The following TTC39B variants were observed in gnomAD, a reference collection of about 807,000 sequenced individuals.
TTC39B encodes tetratricopeptide repeat domain 39B.
TTC39B carries 92 observed loss-of-function variants against 96.6 expected under a neutral mutation model. That is an observed-to-expected ratio of 0.95 (90% CI 0.80 to 1.13). The LOEUF is 1.13. Among genes scored for constraint, TTC39B ranks in the 50% most tolerant of loss-of-function variants. The pLI, the probability that TTC39B is intolerant of heterozygous loss-of-function variation, is 0.00. For missense variants in TTC39B, 955 were observed against 809.3 expected (o/e 1.18, Z -2.18); for synonymous variants, 367 against 299.4 (o/e 1.23, Z -2.33).
chr9:15,283,853 T>C (rs1823860123), intron 1 of TTC39B, among the ~76,000 whole-genome samples: 1 of 152,118 alleles, frequency 6.6e-6, no homozygotes, highest in Admixed American at 6.5e-5. Context: ...CAAGTTTCCA[T>C]ATAAAGAGAT....
At chr9:15,164,155 C>T (rs533074604) in exon 20 of TTC39B, 1 of 152,286 alleles carries the variant, frequency 6.6e-6, no homozygotes, top group East Asian at 1.9e-4. Flanking sequence ...ATATAGAACT[C>T]ACACATATTC....
intron 2 of TTC39B, among the ~76,000 whole-genome samples, chr9:15,243,066 A>T (rs1378848875): frequency 6.6e-6 from 1 of 152,236 alleles, no homozygotes; most frequent in East Asian, 1.9e-4. Flanking sequence ...GCCAATGCAA[A>T]GACAACAGGA....
At chr9:15,295,805 C>A (rs1033776376) in intron 1 of TTC39B, among the ~76,000 whole-genome samples, 1 of 152,114 alleles carries the variant, frequency 6.6e-6, no homozygotes, top group Non-Finnish European at 1.5e-5. Context: ...CCCAGCTGGC[C>A]ACTCTCTCAG....
At chr9:15,298,388 CAA>C (rs1824458600) in intron 1 of TTC39B, among the ~76,000 whole-genome samples, 1 of 152,152 alleles carries the variant, frequency 6.6e-6, no homozygotes, top group Non-Finnish European at 1.5e-5. Context: ...AAGAAATACC[CAA>C]GACTGCATAA....
intron 17 of TTC39B, among the ~76,000 whole-genome samples, chr9:15,180,161 A>G (rs1287252372): frequency 6.6e-6 from 1 of 152,242 alleles, no homozygotes; most frequent in Non-Finnish European, 1.5e-5. Context: ...AGAAACAGGG[A>G]AGTTTGAAGC....
At chr9:15,257,502 G>A (rs916676381) in intron 2 of TTC39B, among the ~76,000 whole-genome samples, 10 of 152,036 alleles carry the variant, frequency 6.6e-5, no homozygotes, top group Non-Finnish European at 1.3e-4. Flanking sequence ...AGGCTGGAGT[G>A]CAGTGGCACC....
In TTC39B at chr9:15,175,362, G is replaced by C. The variant is rs1042947030; in HGVS notation, c.1842-227C>G. ...TAATGTAAACCCAGCACTGATGGTT[G>C]ATCGCTGTCTCTTAAGTAAATCAGC... is the stretch of plus-strand genomic sequence containing the variant. On this transcript the variant is annotated intron_variant, in intron 18 of 19. Transcript: ENST00000512701. 3.2e-4 allele frequency among the ~76,000 whole-genome samples: 48 copies of C among 152,004 alleles called. 2 individuals are homozygous for C.
chr9:15,251,281 AAAG>A (rs950595870), intron 2 of TTC39B, among the ~76,000 whole-genome samples: 27 of 152,212 alleles, frequency 1.8e-4, no homozygotes, highest in African/African-American at 6.3e-4. Flanking sequence ...GCTAAAAAAC[AAAG>A]AAGAAAATTA....
At chr9:15,176,742 A>G (rs1184455858) in intron 18 of TTC39B, among the ~76,000 whole-genome samples, 1 of 151,920 alleles carries the variant, frequency 6.6e-6, no homozygotes, top group Non-Finnish European at 1.5e-5. Context: ...GTGTGGCTAC[A>G]CTCTTCAGAG....
intron 4 of TTC39B, among the ~76,000 whole-genome samples, chr9:15,213,530 C>T (rs1369463560): frequency 6.6e-6 from 1 of 152,140 alleles, no homozygotes. Context: ...CTTTTATGCC[C>T]AAGTAATCTT....
At chr9:15,212,624 T>G (rs1820272197) in intron 4 of TTC39B, among the ~76,000 whole-genome samples, 1 of 152,012 alleles carries the variant, frequency 6.6e-6, no homozygotes, top group South Asian at 2.1e-4. Context: ...ACAGGGTTTC[T>G]CCCTGTTGGT....
At chr9:15,201,779 G>A (rs1326971214) in intron 7 of TTC39B, among the ~76,000 whole-genome samples, 1 of 152,116 alleles carries the variant, frequency 6.6e-6, no homozygotes, top group East Asian at 1.9e-4. Flanking sequence ...AGGGAACATA[G>A]AGAGGAGGTA....
chr9:15,250,703 G>C (rs1190774126), intron 2 of TTC39B, among the ~76,000 whole-genome samples: 1 of 152,150 alleles, frequency 6.6e-6, no homozygotes, highest in Non-Finnish European at 1.5e-5. Context: ...AGTAGGCATA[G>C]GAAATACTAG....
chr9:15,247,679 G>A (rs1017800630), intron 2 of TTC39B, among the ~76,000 whole-genome samples: 5 of 152,018 alleles, frequency 3.3e-5, no homozygotes, highest in Non-Finnish European at 7.4e-5. Context: ...CCTTTCTAAA[G>A]TGAACCAAAG....
intron 8 of TTC39B, among the ~76,000 whole-genome samples, chr9:15,195,929 G>T (rs1219891418): frequency 1.3e-5 from 2 of 152,116 alleles, no homozygotes; most frequent in Non-Finnish European, 2.9e-5. Context: ...TAATGGAACT[G>T]GTGACTTTAA....
chr9:15,186,913 GC>G, intron 15 of TTC39B, 30 bp downstream of exon 15: 1 of 1,595,510 alleles, frequency 6.3e-7, no homozygotes, highest in Non-Finnish European at 8.6e-7. Flanking sequence ...TACCCTCAGA[GC>G]CTTTGTTATA....
At chr9:15,303,270 A>G (rs971285797) in intron 1 of TTC39B, among the ~76,000 whole-genome samples, 9 of 152,186 alleles carry the variant, frequency 5.9e-5, no homozygotes, top group Admixed American at 6.5e-5. Flanking sequence ...CAAATTATCA[A>G]TTTCTATACC....
chr9:15,244,105 A>G (rs1328902755), intron 2 of TTC39B, among the ~76,000 whole-genome samples: 1 of 152,214 alleles, frequency 6.6e-6, no homozygotes, highest in East Asian at 1.9e-4. Flanking sequence ...ACTCCTTCAC[A>G]TTATTTAAAA....
chr9:15,172,052 A>G (rs1186814659), exon 20 of TTC39B: 2 of 1,612,982 alleles, frequency 1.2e-6, no homozygotes, highest in Admixed American at 3.3e-5. Context: ...AGAGGTGAAG[A>G]GCTGCCTGAA....
Sources: allele counts gnomAD v4.1 joint callset (sites outside exome capture counted in the v4.1 genomes callset), GRCh38; gene constraint gnomAD v4.1.1; transcripts MANE v1.5; gene names NCBI Gene and HGNC (gene_info 2026-07-23, HGNC 2026-07-21).